The following CENPF variants were observed in gnomAD, a reference collection of about 807,000 sequenced individuals.
CENPF encodes the protein centromere protein F.
A neutral mutation model predicts 307.3 loss-of-function variants in CENPF; 214 were observed. That is an observed-to-expected ratio of 0.70 (90% CI 0.62 to 0.78). The LOEUF (loss-of-function observed/expected upper bound fraction) is 0.78. Among genes scored for constraint, CENPF ranks in the 30% least tolerant of loss-of-function variants. CENPF has a pLI of 0.00. For missense variants in CENPF, 3,401 were observed against 3,483.9 expected, an observed-to-expected ratio of 0.98 and a Z score of 0.60; for synonymous variants, 1,259 against 1,270.6, an observed-to-expected ratio of 0.99 and a Z score of 0.19.
At chr1:214,633,890 G>A (rs1332849858) in intron 10 of CENPF, among the ~76,000 whole-genome samples, 5 of 152,206 alleles carry the variant, frequency 3.3e-5, no homozygotes, top group Non-Finnish European at 7.3e-5. Flanking sequence ...GACTGGCATC[G>A]AACTCTTCCC....
intron 17 of CENPF, 98 bp from the exon 18 acceptor site, chr1:214,656,835 C>CA (rs983397358): frequency 2.4e-6 from 2 of 832,368 alleles, no homozygotes; most frequent in Non-Finnish European, 3.8e-6. Flanking sequence ...AAAAAAAAAT[C>CA]AAAGAAAGAA....
chr1:214,640,603 C>T lies in CENPF; in HGVS notation c.2265C>T (p.Asp755=). 6.2e-7 allele frequency: 1 copy of T among 1,614,120 alleles called. No homozygotes were observed. The highest frequency in any genetic ancestry group is 8.5e-7 in the Non-Finnish European group (1 of 1,179,966). ...EIMDKDRCYQ[D]LHAEYESLRD... is the part of the protein sequence containing the mutation. ...TGGACAAAGACCGGTGTTACCAAGA[C>T]TTGCATGCCGAATATGAGAGCCTCA... The change falls in exon 12 of 20, where the codon GAC becomes GAT. Residue 755 remains aspartate (D), a synonymous_variant. Transcript: ENST00000366955.
At position 214,645,779 on chromosome 1, in the gene CENPF, A is replaced by T; in HGVS notation, c.6209A>T (p.Lys2070Met). 6.2e-7 allele frequency: 1 copy of T among 1,614,218 alleles called. No individual in the cohort carries two copies. Among genetic ancestry groups the T allele is most frequent in the South Asian group, 1.1e-5 (1 of 91,088 alleles). Reference protein sequence around the residue: ...QLNKEKELLVKESESLQARLS... With the variant: ...QLNKEKELLVMESESLQARLS... The stretch of plus-strand genomic sequence containing the variant: ...AATAAAGAGAAAGAATTGCTTGTCA[A>T]GGAATCTGAAAGCCTGCAGGCCAGA... The change falls in exon 13 of 20, where the codon AAG becomes ATG. Residue 2070 changes from lysine (K) to methionine (M), a missense_variant. Physicochemically the swap from Lys to Met is moderately conservative, Grantham distance 95 (BLOSUM62 -1). Coordinates refer to ENST00000366955, the MANE Select transcript of CENPF (RefSeq NM_016343.4).
chr1:214,658,515 C>G (rs1408566750), intron 18 of CENPF, among the ~76,000 whole-genome samples: 1 of 151,822 alleles, frequency 6.6e-6, no homozygotes, highest in African/African-American at 2.4e-5. Context: ...TACAATAAGG[C>G]CTGCTGGCAT....
chr1:214,652,568 C>T lies in CENPF; in HGVS notation c.8161-260C>T, dbSNP rs1009215555. On this transcript the variant is annotated intron_variant, in intron 15 of 19. Transcript: ENST00000366955. Reference sequence around the variant, plus strand: ...AAGCAATTCTCCTGTCTCAGCCTCCCGAGTAGCTGGGATTATAGGCGCCTG... The same window carrying T: ...AAGCAATTCTCCTGTCTCAGCCTCCTGAGTAGCTGGGATTATAGGCGCCTG... Among the ~76,000 whole-genome samples the T allele has an allele frequency of 4.6e-5, 7 of 151,208 alleles. No individual in the cohort carries two copies. In the South Asian group the frequency reaches 8.4e-4, roughly 18 times the overall value.
At position 214,655,248 on chromosome 1, in the gene CENPF, A is replaced by G. The variant is rs771410387; in HGVS notation, c.8330A>G (p.Asn2777Ser). The change falls in exon 17 of 20, where the codon AAT (asparagine) becomes AGT (serine). Residue 2777 changes from asparagine to serine, a missense_variant. By Grantham distance (46) the Asn-to-Ser change is conservative. Coordinates refer to ENST00000366955, the MANE Select transcript of CENPF (RefSeq NM_016343.4). ...ATTACTTTTATTTTGTAGATGGACA[A>G]TCTAAAATATGTAAATCAGTTGAAG... is the stretch of plus-strand genomic sequence containing the variant. ...LEELKKTKMD[N>S]LKYVNQLKKE... 4.4e-6 allele frequency: 7 copies of G among 1,587,460 alleles called. No homozygotes were observed. The highest frequency in any genetic ancestry group is 1.4e-5 in the African/African-American group (1 of 73,898).
rs1658724961 is a variant in CENPF, at chr1:214,659,102, A to G, written c.9141+74A>G. On this transcript the variant is annotated intron_variant, in intron 19 of 19. Transcript: ENST00000366955. This position sits in a 1 kb window ranked among gnomAD's most constrained non-coding sequence, Gnocchi z 4.4. ...AGTAGTACCTGGGTGAGGATTGGACACTGCACCCCCGATTCAGGAGCGCTT... is the reference window on the plus strand; with the variant it reads ...AGTAGTACCTGGGTGAGGATTGGACGCTGCACCCCCGATTCAGGAGCGCTT... 1 of 1,496,798 alleles carries G rather than the reference A, an allele frequency of 6.7e-7. No homozygotes were observed. The highest frequency in any genetic ancestry group is 9.2e-7 in the Non-Finnish European group (1 of 1,088,876). The allele number at this position is 1,496,798 out of a possible 1,614,324, so 92.7% of individuals were successfully genotyped here.
At chr1:214,635,969 G>A (rs1320729646) in intron 10 of CENPF, among the ~76,000 whole-genome samples, 2 of 151,940 alleles carry the variant, frequency 1.3e-5, no homozygotes, top group African/African-American at 4.8e-5. Flanking sequence ...AGATGCAGGT[G>A]TCATTTGATT....
At chr1:214,638,464 G>A (rs1658019785) in intron 11 of CENPF, among the ~76,000 whole-genome samples, 1 of 152,110 alleles carries the variant, frequency 6.6e-6, no homozygotes, top group South Asian at 2.1e-4. Context: ...TTGACTGAAT[G>A]ATTTTATTTT....
intron 7 of CENPF, among the ~76,000 whole-genome samples, chr1:214,623,317 A>G (rs994515624): frequency 1.3e-5 from 2 of 152,186 alleles, no homozygotes; most frequent in African/African-American, 4.8e-5. Flanking sequence ...TATACATAGT[A>G]TTAGGTATTA....
chr1:214,611,113 T>C (rs1378602415), intron 1 of CENPF, among the ~76,000 whole-genome samples: 2 of 152,128 alleles, frequency 1.3e-5, no homozygotes, highest in Non-Finnish European at 2.9e-5. Context: ...TAGGGTAACA[T>C]GTTGCTGTCA....
At chr1:214,606,842 C>T (rs1657047072) in intron 1 of CENPF, among the ~76,000 whole-genome samples, 1 of 152,358 alleles carries the variant, frequency 6.6e-6, no homozygotes, top group African/African-American at 2.4e-5. Context: ...GTCCCAACCA[C>T]GCGGGACCCA....
chr1:214,620,362 T>C (rs1257297804), intron 5 of CENPF, among the ~76,000 whole-genome samples: 1 of 152,212 alleles, frequency 6.6e-6, no homozygotes, highest in Middle Eastern at 3.2e-3. Context: ...TACTCACATA[T>C]GTTTAATGGG....
In CENPF at chr1:214,638,842, A is replaced by G. The variant is rs531279350; in HGVS notation, c.1582+841A>G. Among the ~76,000 whole-genome samples the G allele has an allele frequency of 6.2e-4, 95 of 152,296 alleles. 1 individual carries two copies. Among genetic ancestry groups the G allele is most frequent in the Admixed American group, 3.8e-3 (58 of 15,300 alleles). ...AAAACAAAAACCCAATCTTCCCAAGACAGCTTTTAGTTTTTCCACAGCAGC... is the reference window on the plus strand; with the variant it reads ...AAAACAAAAACCCAATCTTCCCAAGGCAGCTTTTAGTTTTTCCACAGCAGC... On this transcript the variant is annotated intron_variant, in intron 11 of 19. Coordinates refer to ENST00000366955, the MANE Select transcript of CENPF (RefSeq NM_016343.4).
At chr1:214,617,925 T>A in intron 3 of CENPF, among the ~76,000 whole-genome samples, 1 of 152,212 alleles carries the variant, frequency 6.6e-6, no homozygotes, top group Non-Finnish European at 1.5e-5. Context: ...CTCAAACTGC[T>A]ATAAAGAACT....
chr1:214,644,658 A>C lies in CENPF; in HGVS notation c.5088A>C (p.Lys1696Asn), dbSNP rs779158764. 4 of 1,614,114 alleles carry C rather than the reference A, an allele frequency of 2.5e-6. No homozygotes were observed. Among genetic ancestry groups the C allele is most frequent in the Non-Finnish European group, 3.4e-6 (4 of 1,179,980 alleles). The change falls in exon 13 of 20, where the codon AAA (lysine) becomes AAC (asparagine). Residue 1696 changes from lysine to asparagine, a missense_variant. By Grantham distance (94) the Lys-to-Asn change is moderately conservative. Transcript: ENST00000366955. Reference sequence around the variant, plus strand: ...ATGATGTTCATCAGATTTGTGATAAAGATGCTCAGCAGGACCTCAATCTAG... The same window carrying C: ...ATGATGTTCATCAGATTTGTGATAACGATGCTCAGCAGGACCTCAATCTAG... Reference protein sequence around the residue: ...PKHDVHQICDKDAQQDLNLDI... With the variant: ...PKHDVHQICDNDAQQDLNLDI...
intron 1 of CENPF, 102 bp downstream of exon 1, chr1:214,603,423 G>A (rs970814807): frequency 1.3e-5 from 2 of 152,540 alleles, no homozygotes; most frequent in African/African-American, 4.8e-5. Context: ...GTACTGGGCG[G>A]GGAGGCCTCT....
chr1:214,642,639 A>T lies in CENPF; in HGVS notation c.4301A>T (p.Glu1434Val). Residue 1434 changes from glutamate to valine, a missense_variant, in exon 12 of 20, where the codon GAG (glutamate) becomes GTG (valine). By Grantham distance (121) the Glu-to-Val change is moderately radical. Coordinates refer to ENST00000366955, the MANE Select transcript of CENPF (RefSeq NM_016343.4). ...TGTCAGATGAGCTCTAAAATGTCAG[A>T]GCTGCAGACCTATGTTGACTCATTA... ...QHCQMSSKMS[E>V]LQTYVDSLKA... is the part of the protein sequence containing the mutation. The T allele has an allele frequency of 6.2e-7, 1 of 1,613,916 alleles. No individual in the cohort carries two copies. The highest frequency in any genetic ancestry group is 1.1e-5 in the South Asian group (1 of 91,054).
intron 2 of CENPF, among the ~76,000 whole-genome samples, chr1:214,614,431 A>G (rs942122200): frequency 6.6e-6 from 1 of 152,222 alleles, no homozygotes; most frequent in Non-Finnish European, 1.5e-5. Flanking sequence ...CCTCTCTATT[A>G]GCCAACTAAA....
Sources: allele counts gnomAD v4.1 joint callset (sites outside exome capture counted in the v4.1 genomes callset), GRCh38; gene constraint gnomAD v4.1.1; non-coding constraint Gnocchi (gnomAD v3.1); transcripts MANE v1.5; gene names NCBI Gene and HGNC (gene_info 2026-07-23, HGNC 2026-07-21).